Variants in PSMD5 observed in about 807,000 individuals in gnomAD.
PSMD5 encodes proteasome 26S subunit, non-ATPase 5, also known as 26S proteasome non-ATPase regulatory subunit 5.
PSMD5 carries 40 observed loss-of-function variants against 52.1 expected under a neutral mutation model. That is an observed-to-expected ratio of 0.77 (90% confidence interval 0.60 to 1.00). PSMD5 has a LOEUF of 1.00. PSMD5 is among the 50% of genes least tolerant of loss of function. PSMD5 has a pLI of 0.00. For missense variants in PSMD5, 575 were observed against 605.2 expected (o/e 0.95, Z 0.52); for synonymous variants, 211 against 226.6 (o/e 0.93, Z 0.62).
At chr9:120,818,306 T>C in intron 9 of PSMD5, 143 bp from the exon 10 acceptor site, 1 of 818,878 alleles carries the variant, frequency 1.2e-6, no homozygotes, top group Non-Finnish European at 1.8e-6. Context: ...CCTGAGAATC[T>C]AACTTAATAA....
chr9:120,827,684 T>C (rs1459884401), intron 5 of PSMD5, among the ~76,000 whole-genome samples: 1 of 152,262 alleles, frequency 6.6e-6, no homozygotes, highest in Non-Finnish European at 1.5e-5. Context: ...TTTACTCATA[T>C]GGGTTTAATA....
intron 2 of PSMD5, among the ~76,000 whole-genome samples, chr9:120,832,296 G>A (rs1045231577): frequency 2.0e-5 from 3 of 151,570 alleles, no homozygotes; most frequent in Non-Finnish European, 4.4e-5. Context: ...GGATAGTTAC[G>A]AAGATTAAAT....
chr9:120,840,610 T>C (rs1028832917), intron 1 of PSMD5, among the ~76,000 whole-genome samples: 14 of 147,356 alleles, frequency 9.5e-5, no homozygotes, highest in Non-Finnish European at 1.8e-4. Flanking sequence ...CAAGCCCAGC[T>C]AATTTTTGCT....
intron 3 of PSMD5, 37 bp downstream of exon 3, chr9:120,831,795 C>A (rs1036524593): frequency 1.9e-6 from 3 of 1,593,722 alleles, no homozygotes; most frequent in South Asian, 1.1e-5. Flanking sequence ...ACACCGATGT[C>A]TCTGCACATT....
intron 4 of PSMD5, among the ~76,000 whole-genome samples, chr9:120,830,637 T>C (rs897240759): frequency 6.6e-6 from 1 of 152,166 alleles, no homozygotes; most frequent in African/African-American, 2.4e-5. Flanking sequence ...AATTAGACTA[T>C]AGAGGATTCT....
chr9:120,837,391 C>G (rs115468503), intron 1 of PSMD5, among the ~76,000 whole-genome samples: 5,453 of 152,230 alleles, frequency 0.036, 351 homozygotes, highest in African/African-American at 0.12. Flanking sequence ...GACAAGCTCT[C>G]TCTGTCACCC....
intron 1 of PSMD5, chr9:120,842,416 T>C (rs939973316): frequency 5.1e-6 from 2 of 391,154 alleles, no homozygotes; most frequent in African/African-American, 4.2e-5. Context: ...CAAGAACCTG[T>C]ACAAAGAGAT....
rs748783034 is a variant in PSMD5, at chr9:120,833,145, T to C, written c.318+167A>G. 1.3e-5 allele frequency among the ~76,000 whole-genome samples: 2 copies of C among 151,142 alleles called. 1 individual carries two copies. The stretch of plus-strand genomic sequence containing the variant: ...CCCAGGTTATAGTTAGCTATGCACA[T>C]TGGAATAGACCACACATTTCCTAGG... On this transcript the variant is annotated intron_variant, in intron 2 of 9. Coordinates refer to ENST00000210313, the MANE Select transcript of PSMD5 (RefSeq NM_005047.4).
At chr9:120,819,447 G>A (rs1161290472) in intron 9 of PSMD5, among the ~76,000 whole-genome samples, 1 of 152,174 alleles carries the variant, frequency 6.6e-6, no homozygotes, top group Admixed American at 6.5e-5. Flanking sequence ...AGGTAGAAGA[G>A]CAAAACCAAA....
intron 7 of PSMD5, 119 bp from the exon 8 acceptor site, chr9:120,821,583 G>C (rs1271084956): frequency 1.8e-6 from 1 of 566,454 alleles, no homozygotes; most frequent in Admixed American, 3.3e-5. Flanking sequence ...TCACACTGTT[G>C]GGCAACCATC....
chr9:120,835,973 A>G (rs993492151), intron 1 of PSMD5, among the ~76,000 whole-genome samples: 2 of 152,156 alleles, frequency 1.3e-5, no homozygotes, highest in Non-Finnish European at 2.9e-5. Flanking sequence ...TCCTCTTCCC[A>G]ACCAGAAACT....
intron 6 of PSMD5, among the ~76,000 whole-genome samples, chr9:120,826,132 C>T (rs1234837434): frequency 6.6e-6 from 1 of 151,784 alleles, no homozygotes; most frequent in Non-Finnish European, 1.5e-5. Flanking sequence ...GTAGCTGGGA[C>T]TACCGGCACC....
intron 6 of PSMD5, among the ~76,000 whole-genome samples, chr9:120,825,871 T>C (rs2045118155): frequency 6.6e-6 from 1 of 152,066 alleles, no homozygotes; most frequent in South Asian, 2.1e-4. Flanking sequence ...AACAGGGAAA[T>C]TTTCACTTCT....
chr9:120,841,565 C>A (rs2045237821), intron 1 of PSMD5, among the ~76,000 whole-genome samples: 1 of 151,828 alleles, frequency 6.6e-6, no homozygotes, highest in Non-Finnish European at 1.5e-5. Context: ...GGAGACAGAG[C>A]GAGACTCGTC....
At chr9:120,837,593 T>C (rs2045207162) in intron 1 of PSMD5, among the ~76,000 whole-genome samples, 1 of 152,206 alleles carries the variant, frequency 6.6e-6, no homozygotes, top group African/African-American at 2.4e-5. Context: ...CTTCTAGAAG[T>C]TTTGTAGTTT....
At chr9:120,824,802 G>T in intron 6 of PSMD5, 117 bp from the exon 7 acceptor site, 1 of 849,816 alleles carries the variant, frequency 1.2e-6, no homozygotes, top group Non-Finnish European at 1.8e-6. Context: ...AGAAAGGTTA[G>T]AGTAGTGTGT....
chr9:120,818,051 T>C lies in PSMD5; in HGVS notation c.1370A>G (p.Tyr457Cys). 4 of 1,614,250 alleles carry C rather than the reference T, an allele frequency of 2.5e-6. No homozygotes were observed. The highest frequency in any genetic ancestry group is 2.5e-6 in the Non-Finnish European group (3 of 1,180,044). Reference sequence around the variant, plus strand: ...ATTGGCAAGTGCTTTCACTAGTTCATATTTGGCATCCTTTGAAGCTTTGTC... The same window carrying C: ...ATTGGCAAGTGCTTTCACTAGTTCACATTTGGCATCCTTTGAAGCTTTGTC... ...EHDKASKDAKYELVKALANSK... is the reference protein window; with the variant it reads ...EHDKASKDAKCELVKALANSK... Residue 457 changes from tyrosine (Y) to cysteine (C), a missense_variant, in exon 10 of 10, where the codon TAT (tyrosine) becomes TGT (cysteine). By Grantham distance (194) the Tyr-to-Cys change is radical. Coordinates refer to ENST00000210313, the MANE Select transcript of PSMD5 (RefSeq NM_005047.4).
intron 4 of PSMD5, 55 bp from the exon 5 acceptor site, chr9:120,829,263 C>T: frequency 1.2e-5 from 17 of 1,447,516 alleles, no homozygotes; most frequent in Middle Eastern, 1.9e-4. Flanking sequence ...AGCCCTACGC[C>T]TGATAGATCT....
At chr9:120,827,531 T>C (rs2045130879) in intron 5 of PSMD5, among the ~76,000 whole-genome samples, 1 of 152,224 alleles carries the variant, frequency 6.6e-6, no homozygotes, top group Non-Finnish European at 1.5e-5. Context: ...TGGTGGTTGA[T>C]CCTAAACTGT....
Sources: allele counts gnomAD v4.1 joint callset (sites outside exome capture counted in the v4.1 genomes callset), GRCh38; gene constraint gnomAD v4.1.1; transcripts MANE v1.5; gene names NCBI Gene and HGNC (gene_info 2026-07-23, HGNC 2026-07-21).